Variants in MMEL1 observed in about 807,000 individuals in gnomAD.
MMEL1 encodes the protein membrane metallo-endopeptidase-like 1.
Under a neutral mutation model 117.1 loss-of-function variants are expected in MMEL1, and 98 were observed. The ratio of observed to expected loss-of-function variants is 0.84; its 90% CI spans 0.71 to 0.99. MMEL1 has a LOEUF of 0.99. Among genes scored for constraint, MMEL1 ranks in the 50% least tolerant of loss-of-function variants. MMEL1 has a pLI of 0.00. For missense variants in MMEL1, 1,014 were observed against 1,049.1 expected, an observed-to-expected ratio of 0.97 and a Z score of 0.46; for synonymous variants, 390 against 415.1, an observed-to-expected ratio of 0.94 and a Z score of 0.74.
intron 9 of MMEL1, among the ~76,000 whole-genome samples, chr1:2,605,341 C>A (rs972356963): frequency 5.9e-5 from 9 of 152,164 alleles, no homozygotes; most frequent in Non-Finnish European, 2.9e-5. Flanking sequence ...GAGCTTGTCC[C>A]CAGGCCTGGC....
Position 2,595,947 on chromosome 1 carries a change from G to C in MMEL1, c.1500+62C>G, listed in dbSNP as rs533418479. The C allele has an allele frequency of 1.3e-5, 18 of 1,434,356 alleles. No homozygotes were observed. In the African/African-American group the frequency reaches 2.4e-4, roughly 19 times the overall value. The allele number at this position is 1,434,356 out of a possible 1,614,324, so 88.9% of individuals were successfully genotyped here. Reference sequence around the variant, plus strand: ...GTGGGGACCGTCAGGAGGCTTTGTCGGGGCGGTGCTGCCCGTGCCCAGATC... The same window carrying C: ...GTGGGGACCGTCAGGAGGCTTTGTCCGGGCGGTGCTGCCCGTGCCCAGATC... On this transcript the variant is annotated intron_variant, in intron 15 of 23. Transcript: ENST00000378412. The surrounding 1 kb of genome is among the most constrained non-coding windows in gnomAD (Gnocchi z 4.8).
chr1:2,601,072 C>CT (rs1220168642), intron 11 of MMEL1, among the ~76,000 whole-genome samples: 1 of 152,122 alleles, frequency 6.6e-6, no homozygotes, highest in East Asian at 1.9e-4. Flanking sequence ...GCAGAGTTTT[C>CT]TTTTTGTGTG....
intron 2 of MMEL1, among the ~76,000 whole-genome samples, chr1:2,621,572 A>ATTTTTTT (rs76715186): frequency 2.1e-5 from 3 of 145,850 alleles, no homozygotes; most frequent in East Asian, 2.0e-4. Context: ...ACCAATGCAC[A>ATTTTTTT]TTTTTTTTTT....
At chr1:2,607,352 A>G (rs1645046234) in intron 6 of MMEL1, among the ~76,000 whole-genome samples, 1 of 152,008 alleles carries the variant, frequency 6.6e-6, no homozygotes, top group African/African-American at 2.4e-5. Context: ...GGGGACAAAG[A>G]GGATGATGGG....
At chr1:2,608,613 AACAC>A (rs1284500641) in intron 6 of MMEL1, among the ~76,000 whole-genome samples, 2 of 152,002 alleles carry the variant, frequency 1.3e-5, no homozygotes, top group Admixed American at 6.6e-5. Flanking sequence ...ATATACACAT[AACAC>A]ACACATACAT....
At chr1:2,618,986 TA>T (rs1020229692) in intron 2 of MMEL1, among the ~76,000 whole-genome samples, 2 of 152,156 alleles carry the variant, frequency 1.3e-5, no homozygotes, top group African/African-American at 4.8e-5. Flanking sequence ...AGGGACAAAT[TA>T]TTTTTTTTCT....
Position 2,591,364 on chromosome 1 carries a change from TA to T in MMEL1, c.2240+192del, listed in dbSNP as rs934829064. 19 of 609,476 alleles carry T rather than the reference TA, an allele frequency of 3.1e-5. No homozygotes were observed. In the African/African-American group the frequency reaches 3.3e-4, roughly 11 times the overall value. 37.8% of individuals were successfully genotyped at this position (609,476 alleles called of 1,614,324 possible). ...CAGCCTGCGGTAGGCTCCCCCTTCC[TA>T]AACCCTTAAATGCCCTTAGTCTGTA... is the stretch of plus-strand genomic sequence containing the variant. On this transcript the variant is annotated intron_variant, in intron 23 of 23. Coordinates refer to ENST00000378412, the MANE Select transcript of MMEL1 (RefSeq NM_033467.4).
intron 8 of MMEL1, 48 bp from the exon 9 acceptor site, chr1:2,605,671 G>A (rs373280612): frequency 8.3e-5 from 124 of 1,492,820 alleles, no homozygotes; most frequent in Middle Eastern, 7.0e-4. Flanking sequence ...CGGGGTCCCC[G>A]CAGCCTGGCT....
At chr1:2,598,124 G>T in intron 13 of MMEL1, 83 bp downstream of exon 13, 1 of 1,311,396 alleles carries the variant, frequency 7.6e-7, no homozygotes. Flanking sequence ...TGTGGACCTC[G>T]GTGTTTGCCT....
At chr1:2,592,181 T>G (rs1221389889) in intron 21 of MMEL1, among the ~76,000 whole-genome samples, 154 bp from the exon 22 acceptor site, 1 of 151,198 alleles carries the variant, frequency 6.6e-6, no homozygotes, top group Admixed American at 6.6e-5. Context: ...GGATGAGCGC[T>G]CACCACCTCA....
intron 17 of MMEL1, 50 bp from the exon 18 acceptor site, chr1:2,594,493 C>G (rs1400639282): frequency 1.9e-6 from 3 of 1,541,494 alleles, no homozygotes; most frequent in Admixed American, 3.9e-5. Flanking sequence ...GGGACCCTCC[C>G]TCTGGGCTCT....
rs1420327143 is a variant in MMEL1, at chr1:2,607,210, C to T, written c.536-141G>A. ...TCCGCGAGAGGCGGCCTCCCAGCCT[C>T]TGGGCCTTTACACCTGCACCCTCCC... On this transcript the variant is annotated intron_variant, in intron 6 of 23. Coordinates refer to ENST00000378412, the MANE Select transcript of MMEL1 (RefSeq NM_033467.4). 4 of 682,536 alleles carry T rather than the reference C, an allele frequency of 5.9e-6. No individual in the cohort carries two copies. The African/African-American group carries it at 7.1e-5, about 12-fold the overall frequency. The allele number at this position is 682,536 out of a possible 1,614,324, so 42.3% of individuals were successfully genotyped here.
At chr1:2,592,355 GCCCCCTCCCCTGCTGTGCTGGCA>G (rs1557516326) in intron 21 of MMEL1, among the ~76,000 whole-genome samples, 1 of 56,808 alleles carries the variant, frequency 1.8e-5, no homozygotes, top group Non-Finnish European at 3.2e-5. Context: ...CCATGCTGAC[GCCCCCTCCCCTGCTGTGCTGGCA>G]CCCCCTCCCC....
chr1:2,592,720 C>T lies in MMEL1; in HGVS notation c.2002G>A (p.Val668Met), dbSNP rs765417492. The T allele has an allele frequency of 2.4e-5, 38 of 1,612,000 alleles. No homozygotes were observed. Among genetic ancestry groups the T allele is most frequent in the Admixed American group, 3.3e-5 (2 of 59,886 alleles). Residue 668 changes from valine to methionine, a missense_variant and splice_region_variant, in exon 21 of 24, where the codon GTG becomes ATG. Physicochemically the swap from Val to Met is conservative, Grantham distance 21 (BLOSUM62 1). Coordinates refer to ENST00000378412, the MANE Select transcript of MMEL1 (RefSeq NM_033467.4). Reference protein sequence around the residue: ...YSWDLADEQNVNGFNTLGENI... With the variant: ...YSWDLADEQNMNGFNTLGENI... The stretch of plus-strand genomic sequence containing the variant: ...TCCCCAAGGGTGTTGAATCCGTTCA[C>T]CTGCGCACAGGAGACAGGATTGGGG...
chr1:2,601,676 GT>G (rs1250191405), intron 11 of MMEL1, among the ~76,000 whole-genome samples: 1 of 152,232 alleles, frequency 6.6e-6, no homozygotes, highest in African/African-American at 2.4e-5. Flanking sequence ...TGACCAAGGA[GT>G]CACATCTAAA....
intron 2 of MMEL1, among the ~76,000 whole-genome samples, chr1:2,613,861 CAAAAACA>C (rs1310245101): frequency 1.2e-4 from 18 of 151,940 alleles, no homozygotes; most frequent in Non-Finnish European, 1.5e-4. Flanking sequence ...AAAATAAAAA[CAAAAACA>C]AAAAACAAAA....
intron 6 of MMEL1, 67 bp downstream of exon 6, chr1:2,609,272 T>C: frequency 1.3e-6 from 2 of 1,506,056 alleles, no homozygotes; most frequent in Admixed American, 1.9e-5. Context: ...GGGGCTGCGC[T>C]AGGCCCTGGC....
intron 9 of MMEL1, among the ~76,000 whole-genome samples, chr1:2,604,492 G>A (rs1286365044): frequency 6.6e-6 from 1 of 152,216 alleles, no homozygotes; most frequent in African/African-American, 2.4e-5. Flanking sequence ...GGGGTACCTA[G>A]TCTGCAGGGC....
chr1:2,625,202 C>T (rs1638223036), intron 2 of MMEL1, among the ~76,000 whole-genome samples: 1 of 152,162 alleles, frequency 6.6e-6, no homozygotes, highest in African/African-American at 2.4e-5. Context: ...CCAACAGTCC[C>T]CCAAAGTCTG....
Sources: gnomAD v4.1 joint callset for allele counts (sites outside exome capture counted in the v4.1 genomes callset) on GRCh38, gnomAD v4.1.1 for gene constraint, Gnocchi (gnomAD v3.1) non-coding constraint, MANE v1.5 for transcripts, NCBI Gene and HGNC (gene_info 2026-07-23, HGNC 2026-07-21) for gene names.